CACNG2: variants seen among roughly 807,000 people sequenced by gnomAD.
The protein encoded by CACNG2 is calcium voltage-gated channel auxiliary subunit gamma 2.
In CACNG2, 3 loss-of-function variants were observed where a neutral mutation model predicts 25.9. The ratio of observed to expected loss-of-function variants is 0.12; its 90% CI spans 0.05 to 0.30. CACNG2 has a LOEUF of 0.30. CACNG2 is among the 10% of genes least tolerant of loss of function. The probability of loss-of-function intolerance (pLI) is 1.00; values close to 1 mark genes in which losing one functional copy is unlikely to be tolerated. For synonymous variants in CACNG2, 167 were observed against 173.3 expected, an observed-to-expected ratio of 0.96 and a Z score of 0.29; for missense variants, 341 against 432.5, an observed-to-expected ratio of 0.79 and a Z score of 1.88.
intron 1 of CACNG2, among the ~76,000 whole-genome samples, chr22:36,595,614 G>T (rs538655635): frequency 1.3e-5 from 2 of 152,312 alleles, no homozygotes; most frequent in South Asian, 4.1e-4. Context: ...GTGAGGGTGA[G>T]GGTGAGGGTG....
At chr22:36,680,645 ATT>A in intron 1 of CACNG2, among the ~76,000 whole-genome samples, 1 of 24,644 alleles carries the variant, frequency 4.1e-5, no homozygotes, top group Non-Finnish European at 8.7e-5. Flanking sequence ...CACCACCATC[ATT>A]ATCACCACCA....
At chr22:36,677,557 G>A (rs1937035870) in intron 1 of CACNG2, among the ~76,000 whole-genome samples, 1 of 152,256 alleles carries the variant, frequency 6.6e-6, no homozygotes, top group Admixed American at 6.5e-5. Context: ...GAATTTTTGG[G>A]AGAATGCAGA....
intron 1 of CACNG2, among the ~76,000 whole-genome samples, chr22:36,680,873 T>C (rs1220613678): frequency 4.6e-5 from 6 of 131,816 alleles, no homozygotes; most frequent in South Asian, 2.6e-4. Context: ...TCACCATCAC[T>C]ATCACCACCA....
chr22:36,612,687 C>T (rs1935961841), intron 1 of CACNG2, among the ~76,000 whole-genome samples: 1 of 152,202 alleles, frequency 6.6e-6, no homozygotes, highest in Non-Finnish European at 1.5e-5. Context: ...AACACATGTC[C>T]AAAGAATGTG....
At chr22:36,612,241 G>A (rs546095328) in intron 1 of CACNG2, among the ~76,000 whole-genome samples, 8 of 152,290 alleles carry the variant, frequency 5.3e-5, no homozygotes, top group Non-Finnish European at 1.2e-4. Context: ...CTTTATTGGA[G>A]AATACAATGA....
intron 1 of CACNG2, among the ~76,000 whole-genome samples, chr22:36,636,430 G>A (rs538961371): frequency 6.6e-6 from 1 of 152,232 alleles, no homozygotes; most frequent in Non-Finnish European, 1.5e-5. Flanking sequence ...CAGCTTCTGT[G>A]GCATACACAC....
intron 1 of CACNG2, among the ~76,000 whole-genome samples, chr22:36,675,641 G>T (rs1323759605): frequency 1.3e-5 from 2 of 152,234 alleles, no homozygotes. Flanking sequence ...CCAGGGGACG[G>T]CATGGTCTGT....
intron 1 of CACNG2, among the ~76,000 whole-genome samples, chr22:36,680,657 A>AC (rs1937103760): frequency 1.3e-5 from 1 of 74,760 alleles, no homozygotes; most frequent in Non-Finnish European, 3.1e-5. Flanking sequence ...TATCACCACC[A>AC]TCACCACCAT....
At chr22:36,586,291 C>T (rs1935501538) in intron 2 of CACNG2, among the ~76,000 whole-genome samples, 1 of 152,262 alleles carries the variant, frequency 6.6e-6, no homozygotes, top group Non-Finnish European at 1.5e-5. Context: ...CCACCCCAGA[C>T]ACAGTCGCAG....
At chr22:36,651,163 T>C (rs1347800905) in intron 1 of CACNG2, among the ~76,000 whole-genome samples, 1 of 151,944 alleles carries the variant, frequency 6.6e-6, no homozygotes, top group Non-Finnish European at 1.5e-5. Context: ...TAAAAGAACC[T>C]TGTAGTTGGT....
At chr22:36,567,421 G>A (rs1020622622) in intron 2 of CACNG2, among the ~76,000 whole-genome samples, 6 of 152,184 alleles carry the variant, frequency 3.9e-5, no homozygotes, top group Non-Finnish European at 7.3e-5. Flanking sequence ...GTGAATAAAT[G>A]TGGGGTCGTG....
chr22:36,595,489 G>A (rs549887729), intron 1 of CACNG2, among the ~76,000 whole-genome samples: 6 of 152,314 alleles, frequency 3.9e-5, no homozygotes, highest in African/African-American at 1.4e-4. Flanking sequence ...ACATGTACCA[G>A]CACACCACTG....
At chr22:36,651,651 A>T (rs1333233864) in intron 1 of CACNG2, among the ~76,000 whole-genome samples, 2 of 151,834 alleles carry the variant, frequency 1.3e-5, no homozygotes, top group Non-Finnish European at 2.9e-5. Context: ...GTCTCTCCCC[A>T]CTAGAAAGTG....
At chr22:36,602,691 C>T (rs945776593) in intron 1 of CACNG2, among the ~76,000 whole-genome samples, 2 of 152,160 alleles carry the variant, frequency 1.3e-5, no homozygotes, top group Non-Finnish European at 2.9e-5. Flanking sequence ...CGGACTACTT[C>T]TTCATTATTA....
chr22:36,602,716 G>A (rs1014831051), intron 1 of CACNG2, among the ~76,000 whole-genome samples: 1 of 152,148 alleles, frequency 6.6e-6, no homozygotes, highest in Non-Finnish European at 1.5e-5. Context: ...ATCTGTTATG[G>A]CGATCTGTGA....
rs368405804 is a variant in CACNG2, at chr22:36,623,550, G to A, written c.212-36002C>T. Among the ~76,000 whole-genome samples, 2 of 152,096 alleles carry A rather than the reference G, an allele frequency of 1.3e-5. 1 individual carries two copies. The highest frequency in any genetic ancestry group is 4.1e-4 in the South Asian group (2 of 4,824). ...ATATCTACTCGATTGCGTTCATTGT[G>A]AGCACCAAGTGAGTTAGTACAAGAG... On this transcript the variant is annotated intron_variant, in intron 1 of 3. Coordinates refer to ENST00000300105, the MANE Select transcript of CACNG2 (RefSeq NM_006078.5).
chr22:36,566,209 T>A, intron 3 of CACNG2, 144 bp downstream of exon 3: 1 of 824,904 alleles, frequency 1.2e-6, no homozygotes, highest in Non-Finnish European at 2.0e-6. Flanking sequence ...CCCCACCACC[T>A]TCCTCCCCTG....
intron 1 of CACNG2, among the ~76,000 whole-genome samples, chr22:36,668,270 T>C (rs1282724852): frequency 6.6e-6 from 1 of 152,246 alleles, no homozygotes; most frequent in Non-Finnish European, 1.5e-5. Flanking sequence ...GTTCCCTGCC[T>C]TCTCCCATGT....
At chr22:36,577,126 A>G (rs73413785) in intron 2 of CACNG2, among the ~76,000 whole-genome samples, 1,590 of 152,270 alleles carry the variant, frequency 0.01, 27 homozygotes, top group African/African-American at 0.034. Flanking sequence ...TCACAAGCAC[A>G]CTTAGCTCAC....
Sources: gnomAD v4.1 joint callset for allele counts (sites outside exome capture counted in the v4.1 genomes callset) on GRCh38, gnomAD v4.1.1 for gene constraint, MANE v1.5 for transcripts, NCBI Gene and HGNC (gene_info 2026-07-23, HGNC 2026-07-21) for gene names.